EMP2: variants seen among roughly 807,000 people sequenced by gnomAD.
EMP2 encodes the protein epithelial membrane protein 2.
A neutral mutation model predicts 13.7 loss-of-function variants in EMP2; 19 were observed. That is an observed-to-expected ratio of 1.38 (90% confidence interval 0.97 to 2.03). EMP2 has a LOEUF of 2.03. Ranked by LOEUF, EMP2 falls within the 30% of genes most tolerant of loss-of-function variation. The pLI, the probability that EMP2 is intolerant of heterozygous loss-of-function variation, is 0.00. For missense variants in EMP2, 253 were observed against 220.7 expected, an observed-to-expected ratio of 1.15 and a Z score of -0.93; for synonymous variants, 97 against 84.7, an observed-to-expected ratio of 1.15 and a Z score of -0.80.
At chr16:10,540,122 G>A (rs2050682781) in intron 3 of EMP2, among the ~76,000 whole-genome samples, 1 of 152,234 alleles carries the variant, frequency 6.6e-6, no homozygotes, top group Admixed American at 6.5e-5. Flanking sequence ...CTGCCAGGCA[G>A]CCCCTGAGAT....
At chr16:10,564,921 G>A (rs563042811) in intron 1 of EMP2, among the ~76,000 whole-genome samples, 43 of 152,176 alleles carry the variant, frequency 2.8e-4, no homozygotes, top group African/African-American at 9.4e-4. Context: ...ACCTTATATC[G>A]CAAATGAGAT....
chr16:10,539,779 C>T lies in EMP2; in HGVS notation c.170-1705G>A, dbSNP rs78266537. On this transcript the variant is annotated intron_variant, in intron 3 of 4. Coordinates refer to ENST00000359543, the MANE Select transcript of EMP2 (RefSeq NM_001424.6). The stretch of plus-strand genomic sequence containing the variant: ...ACTGAGATGAAATAAATCAGAACGT[C>T]GGGCATTGAGAGCGGGCACGAGGGC... Among the ~76,000 whole-genome samples the T allele has an allele frequency of 3.3e-3, 504 of 152,182 alleles. 4 individuals carry two copies. Among genetic ancestry groups the T allele is most frequent in the African/African-American group, 0.011 (469 of 41,520 alleles).
At position 10,538,087 on chromosome 16, in the gene EMP2, G is replaced by C. The variant is rs760312919; in HGVS notation, c.170-13C>G. The C allele has an allele frequency of 6.2e-7, 1 of 1,612,904 alleles. No individual in the cohort carries two copies. The highest frequency in any genetic ancestry group is 8.5e-7 in the Non-Finnish European group (1 of 1,179,758). Reference sequence around the variant, plus strand: ...AGCGTGGAGTACTCTGCGGGAAAAGGGCAGGGGCGCAGGACTGAGGACCTT... The same window carrying C: ...AGCGTGGAGTACTCTGCGGGAAAAGCGCAGGGGCGCAGGACTGAGGACCTT... On this transcript the variant is annotated splice_polypyrimidine_tract_variant and intron_variant, in intron 3 of 4. Coordinates refer to ENST00000359543, the MANE Select transcript of EMP2 (RefSeq NM_001424.6).
chr16:10,548,565 G>A (rs976740066), intron 1 of EMP2, among the ~76,000 whole-genome samples: 2 of 152,044 alleles, frequency 1.3e-5, no homozygotes, highest in Non-Finnish European at 2.9e-5. Flanking sequence ...GTTATGGCAG[G>A]TGCCTGTGGT....
chr16:10,580,237 C>T lies in EMP2; in HGVS notation c.-61+312G>A, dbSNP rs1330455383. 1.3e-5 allele frequency among the ~76,000 whole-genome samples: 2 copies of T among 152,172 alleles called. No individual in the cohort carries two copies. Among genetic ancestry groups the T allele is most frequent in the East Asian group, 3.9e-4 (2 of 5,186 alleles). ...TGGGGATCTCCCTGGACTCCAAGAG[C>T]CCCGGGTGTAAGTCCGGCGGGGCGA... On this transcript the variant is annotated intron_variant, in intron 1 of 4. Coordinates refer to ENST00000359543, the MANE Select transcript of EMP2 (RefSeq NM_001424.6). The surrounding 1 kb of genome is among the most constrained non-coding windows in gnomAD (Gnocchi z 4.3).
intron 1 of EMP2, among the ~76,000 whole-genome samples, chr16:10,562,368 CTCTCTCTCTCTCTA>C (rs1439730910): frequency 1.5e-3 from 216 of 146,170 alleles, no homozygotes; most frequent in Non-Finnish European, 2.7e-3. Context: ...CTCTCTCTCT[CTCTCTCTCTCTCTA>C]TCTATCTCTC....
intron 1 of EMP2, among the ~76,000 whole-genome samples, chr16:10,558,197 T>C (rs2050846367): frequency 6.6e-6 from 1 of 152,080 alleles, no homozygotes; most frequent in Non-Finnish European, 1.5e-5. Flanking sequence ...GCCCGTCTAA[T>C]TTTATTTTTT....
At chr16:10,562,336 T>TTCTCTCTC (rs540802206) in intron 1 of EMP2, among the ~76,000 whole-genome samples, 1,947 of 124,014 alleles carry the variant, frequency 0.016, 52 homozygotes, top group African/African-American at 0.037. Context: ...CTCATGCATG[T>TTCTCTCTC]TCTCTCTCTC....
rs1567199104 is a variant in EMP2, at chr16:10,532,758, C to CTTTTTCTTTTTTTTTTTTTTTTT, written c.*146_*147insAAAAAAAAAAAAAAAAAGAAAAA. ...CTTTTGGATTTTTTTTTTCTTTTTT[C>CTTTTTCTTTTTTTTTTTTTTTTT]TTTTTTTTTTTTTTTTTTTTTTTTT... is the stretch of plus-strand genomic sequence containing the variant. On this transcript the variant is annotated 3_prime_UTR_variant, in exon 5 of 5. Coordinates refer to ENST00000359543, the MANE Select transcript of EMP2 (RefSeq NM_001424.6). 7.1e-5 allele frequency: 13 copies of CTTTTTCTTTTTTTTTTTTTTTTT among 182,526 alleles called. 2 individuals are homozygous for CTTTTTCTTTTTTTTTTTTTTTTT. The highest frequency in any genetic ancestry group is 2.5e-4 in the African/African-American group (6 of 23,710). The allele number at this position is 182,526 out of a possible 1,614,324, so 11.3% of individuals were successfully genotyped here. A position where few individuals can be genotyped will look rare whatever the true frequency, so the allele number is the denominator to read the frequency against.
At chr16:10,540,404 T>C (rs2050685397) in intron 3 of EMP2, among the ~76,000 whole-genome samples, 1 of 150,488 alleles carries the variant, frequency 6.6e-6, no homozygotes, top group African/African-American at 2.5e-5. Flanking sequence ...TACTTGGGAG[T>C]TTGAGGCAGG....
Position 10,532,741 on chromosome 16 carries a change from T to G in EMP2, c.*164A>C, listed in dbSNP as rs1317169691. ...TGCAAAAACTCTTCTCTCTTTTGGA[T>G]TTTTTTTTTCTTTTTTCTTTTTTTT... is the stretch of plus-strand genomic sequence containing the variant. On this transcript the variant is annotated 3_prime_UTR_variant, in exon 5 of 5. Transcript: ENST00000359543. 15 of 37,634 alleles carry G rather than the reference T, an allele frequency of 4.0e-4. No homozygotes were observed. The highest frequency in any genetic ancestry group is 4.2e-4 in the Non-Finnish European group (12 of 28,346). 2.3% of individuals were successfully genotyped at this position (37,634 alleles called of 1,614,324 possible). A position where few individuals can be genotyped will look rare whatever the true frequency, so the allele number is the denominator to read the frequency against.
At chr16:10,577,046 CCCTGGGGACCTGGG>C (rs1257593627) in intron 1 of EMP2, among the ~76,000 whole-genome samples, 2 of 152,150 alleles carry the variant, frequency 1.3e-5, no homozygotes, top group East Asian at 3.9e-4. Flanking sequence ...GGGTCCCAGG[CCCTGGGGACCTGGG>C]CCTGGAATCC....
At chr16:10,573,666 G>A (rs1213583253) in intron 1 of EMP2, among the ~76,000 whole-genome samples, 1 of 152,216 alleles carries the variant, frequency 6.6e-6, no homozygotes, top group South Asian at 2.1e-4. Flanking sequence ...CTTGGTTACA[G>A]ATAAGGCTTG....
intron 1 of EMP2, among the ~76,000 whole-genome samples, chr16:10,562,778 G>C (rs2050881832): frequency 6.6e-6 from 1 of 152,180 alleles, no homozygotes; most frequent in Non-Finnish European, 1.5e-5. Flanking sequence ...CAGTGCCCAA[G>C]GTTGCTCAGC....
intron 1 of EMP2, among the ~76,000 whole-genome samples, chr16:10,579,708 G>GCACACACACA (rs71133370): frequency 0.013 from 1,847 of 146,748 alleles, 17 homozygotes; most frequent in African/African-American, 0.027. Context: ...AGATCAAGGT[G>GCACACACACA]CACACACACA....
At chr16:10,550,930 G>A (rs1048033046) in intron 1 of EMP2, among the ~76,000 whole-genome samples, 3 of 151,112 alleles carry the variant, frequency 2.0e-5, no homozygotes, top group Non-Finnish European at 1.5e-5. Context: ...AGCCAAGAAC[G>A]CGCCACTGCA....
intron 4 of EMP2, 62 bp downstream of exon 4, chr16:10,537,866 G>A: frequency 6.3e-7 from 1 of 1,587,636 alleles, no homozygotes; most frequent in Non-Finnish European, 8.6e-7. Context: ...CCTCCTGGCG[G>A]CTGGGAAGGG....
chr16:10,563,228 G>A (rs911832241), intron 1 of EMP2, among the ~76,000 whole-genome samples: 7 of 151,994 alleles, frequency 4.6e-5, no homozygotes, highest in Admixed American at 2.0e-4. Flanking sequence ...GTCTCACTCT[G>A]TCACCCAGGC....
intron 2 of EMP2, chr16:10,545,246 T>C (rs1211913802): frequency 1.3e-5 from 2 of 152,082 alleles, no homozygotes; most frequent in Non-Finnish European, 2.9e-5. Flanking sequence ...TGGGAAGAAA[T>C]AGAAAAAGGA....
Sources: gnomAD v4.1 joint callset for allele counts (sites outside exome capture counted in the v4.1 genomes callset) on GRCh38, gnomAD v4.1.1 for gene constraint, Gnocchi (gnomAD v3.1) non-coding constraint, MANE v1.5 for transcripts, NCBI Gene and HGNC (gene_info 2026-07-23, HGNC 2026-07-21) for gene names.